NKAIN2: variants seen among roughly 807,000 people sequenced by gnomAD.
NKAIN2 encodes the protein sodium/potassium transporting ATPase interacting 2, also known as sodium/potassium-transporting ATPase subunit beta-1-interacting protein 2.
A neutral mutation model predicts 32.6 loss-of-function variants in NKAIN2; 14 were observed. The ratio of observed to expected loss-of-function variants is 0.43; its 90% CI spans 0.28 to 0.67. NKAIN2 has a LOEUF of 0.67. Ranked by LOEUF, NKAIN2 falls within the 30% of genes least tolerant of loss-of-function variation. The pLI is 0.17. For synonymous variants in NKAIN2, 80 were observed against 87.2 expected (o/e 0.92, Z 0.46); for missense variants, 198 against 258.3 (o/e 0.77, Z 1.60).
chr6:124,576,080 TAACCTTAATCA>T (rs1781322255), intron 3 of NKAIN2, among the ~76,000 whole-genome samples: 1 of 152,164 alleles, frequency 6.6e-6, no homozygotes, highest in African/African-American at 2.4e-5. Context: ...CACTTAAAAA[TAACCTTAATCA>T]AGCATTAAAA....
chr6:124,087,815 GT>G (rs1388702583), intron 1 of NKAIN2, among the ~76,000 whole-genome samples: 2 of 151,996 alleles, frequency 1.3e-5, no homozygotes, highest in Admixed American at 1.3e-4. Flanking sequence ...GACATGGATA[GT>G]TGGCATACTT....
At chr6:124,517,090 C>T (rs1778942866) in intron 3 of NKAIN2, among the ~76,000 whole-genome samples, 2 of 152,088 alleles carry the variant, frequency 1.3e-5, no homozygotes, top group South Asian at 2.1e-4. Context: ...GGAGGCTTAT[C>T]GTGATTAGAT....
At chr6:123,876,990 C>T (rs935938161) in intron 1 of NKAIN2, among the ~76,000 whole-genome samples, 2 of 152,058 alleles carry the variant, frequency 1.3e-5, no homozygotes, top group Non-Finnish European at 2.9e-5. Flanking sequence ...ACAAAAATTA[C>T]CCCAAAATAT....
In NKAIN2 at chr6:124,703,954, AAAAAAT is replaced by A. The variant is rs1471569053; in HGVS notation, c.474+45576_474+45581del. On this transcript the variant is annotated intron_variant, in intron 4 of 6. Coordinates refer to ENST00000368417, the MANE Select transcript of NKAIN2 (RefSeq NM_001040214.3). ...CATCTGAAATGTATGTCTCTAGAAA[AAAAAAT>A]AAAAATAGAAATAAAGAACTAACTA... Among the ~76,000 whole-genome samples the A allele has an allele frequency of 2.0e-5, 3 of 152,170 alleles. No homozygotes were observed. The South Asian group carries it at 6.2e-4, about 32-fold the overall frequency.
At chr6:124,601,849 C>T (rs1443142410) in intron 3 of NKAIN2, among the ~76,000 whole-genome samples, 1 of 152,026 alleles carries the variant, frequency 6.6e-6, no homozygotes, top group Non-Finnish European at 1.5e-5. Context: ...CATTAGCAAT[C>T]ATCCACTGGG....
At chr6:124,804,448 C>T (rs181967209) in intron 5 of NKAIN2, 3 of 925,248 alleles carry the variant, frequency 3.2e-6, no homozygotes, top group Non-Finnish European at 3.9e-6. Flanking sequence ...TTGCTTTTCA[C>T]TTTCATTGTT....
At chr6:123,894,071 G>T (rs926250920) in intron 1 of NKAIN2, among the ~76,000 whole-genome samples, 1 of 152,164 alleles carries the variant, frequency 6.6e-6, no homozygotes, top group East Asian at 1.9e-4. Context: ...AATTAAAAGT[G>T]TTAATGTGTT....
At chr6:124,707,329 G>C (rs1412843340) in intron 4 of NKAIN2, among the ~76,000 whole-genome samples, 3 of 151,972 alleles carry the variant, frequency 2.0e-5, no homozygotes, top group African/African-American at 7.3e-5. Context: ...ATAGCAGAAT[G>C]ATTTATAGTC....
chr6:123,938,407 T>C (rs1776628756), intron 1 of NKAIN2, among the ~76,000 whole-genome samples: 7 of 2,278 alleles, frequency 3.1e-3, no homozygotes, highest in South Asian at 0.026. Flanking sequence ...TATATATATA[T>C]ATATATATAT....
intron 4 of NKAIN2, among the ~76,000 whole-genome samples, chr6:124,738,545 C>T (rs1777059142): frequency 6.7e-6 from 1 of 149,084 alleles, no homozygotes. Flanking sequence ...TTTTACACTG[C>T]TCTTAATTAT....
At chr6:124,647,496 C>CAAAA (rs1157607122) in intron 3 of NKAIN2, among the ~76,000 whole-genome samples, 13,246 of 58,852 alleles carry the variant, frequency 0.23, 2,832 homozygotes, top group East Asian at 0.37. Context: ...GAGACTCTGT[C>CAAAA]AAAAAAAAAA....
At chr6:124,181,785 T>G (rs1033502949) in intron 1 of NKAIN2, among the ~76,000 whole-genome samples, 62 of 152,166 alleles carry the variant, frequency 4.1e-4, no homozygotes, top group African/African-American at 1.4e-3. Flanking sequence ...GACTTTACTG[T>G]CCATATCACT....
chr6:123,998,834 G>T (rs1370255186), intron 1 of NKAIN2, among the ~76,000 whole-genome samples: 1 of 149,048 alleles, frequency 6.7e-6, no homozygotes, highest in Non-Finnish European at 1.5e-5. Context: ...TATATATGGT[G>T]ATGGTATCAA....
intron 4 of NKAIN2, among the ~76,000 whole-genome samples, chr6:124,688,022 C>A (rs570782821): frequency 1.4e-4 from 21 of 152,080 alleles, no homozygotes; most frequent in South Asian, 6.2e-4. Context: ...TACTAACCAT[C>A]ATTATTCATC....
rs17052342 is a variant in NKAIN2 at position 124,766,081 on chromosome 6, A to G, written c.475-25258A>G. Among the ~76,000 whole-genome samples the G allele has an allele frequency of 1.2e-3, 185 of 152,352 alleles. 2 individuals carry two copies. The East Asian group carries it at 0.025, about 21-fold the overall frequency. ...TCCCCATCAGAATGTTTCACAAGAC[A>G]CAACTAAGGTAATGGATCTTTATTT... On this transcript the variant is annotated intron_variant, in intron 4 of 6. Coordinates refer to ENST00000368417, the MANE Select transcript of NKAIN2 (RefSeq NM_001040214.3).
chr6:124,061,897 A>G (rs147102878), intron 1 of NKAIN2, among the ~76,000 whole-genome samples: 2 of 152,174 alleles, frequency 1.3e-5, no homozygotes, highest in Non-Finnish European at 2.9e-5. Flanking sequence ...TCATTGATTT[A>G]TCATTCTTAA....
intron 2 of NKAIN2, among the ~76,000 whole-genome samples, chr6:124,321,847 C>G (rs1163318144): frequency 6.6e-6 from 1 of 152,048 alleles, no homozygotes; most frequent in Non-Finnish European, 1.5e-5. Flanking sequence ...GTCTTATAAA[C>G]AAATCACTTA....
At chr6:124,282,932 T>C (rs1795369776) in intron 1 of NKAIN2, 73 bp from the exon 2 acceptor site, 2 of 1,306,918 alleles carry the variant, frequency 1.5e-6, no homozygotes, top group Admixed American at 3.7e-5. Flanking sequence ...TATTAATAAT[T>C]TTATCCTTTT....
chr6:124,570,765 C>T (rs766433801), intron 3 of NKAIN2, among the ~76,000 whole-genome samples: 3 of 152,136 alleles, frequency 2.0e-5, no homozygotes, highest in Non-Finnish European at 4.4e-5. Context: ...GGTTGGAGCT[C>T]CCATACAGAG....
Sources: allele counts gnomAD v4.1 joint callset (sites outside exome capture counted in the v4.1 genomes callset), GRCh38; gene constraint gnomAD v4.1.1; transcripts MANE v1.5; gene names NCBI Gene and HGNC (gene_info 2026-07-23, HGNC 2026-07-21).